KAZN: variants seen among roughly 807,000 people sequenced by gnomAD.
KAZN encodes the protein kazrin, periplakin interacting protein, also known as kazrin.
In KAZN, 40 loss-of-function variants were observed where a neutral mutation model predicts 87.4. The ratio of observed to expected loss-of-function variants is 0.46; its 90% CI spans 0.36 to 0.60. KAZN has a LOEUF of 0.60. KAZN is among the 20% of genes least tolerant of loss of function. The probability of loss-of-function intolerance (pLI) is 0.00; values close to 1 mark genes in which losing one functional copy is unlikely to be tolerated. For synonymous variants in KAZN, 466 were observed against 458.3 expected, an observed-to-expected ratio of 1.02 and a Z score of -0.22; for missense variants, 898 against 1,073.9, an observed-to-expected ratio of 0.84 and a Z score of 2.29.
chr1:13,968,162 C>T (rs974481718), intron 1 of KAZN, among the ~76,000 whole-genome samples: 4 of 152,162 alleles, frequency 2.6e-5, no homozygotes, highest in African/African-American at 9.7e-5. Flanking sequence ...TGCAGGTGTG[C>T]AGCTCAGGCA....
chr1:14,774,181 G>A (rs918532968), intron 1 of KAZN, among the ~76,000 whole-genome samples: 1 of 152,148 alleles, frequency 6.6e-6, no homozygotes, highest in Non-Finnish European at 1.5e-5. Context: ...GCAGTCTGGG[G>A]GTGAAACTGG....
intron 1 of KAZN, among the ~76,000 whole-genome samples, chr1:14,895,559 C>T (rs1655175507): frequency 6.6e-6 from 1 of 152,212 alleles, no homozygotes; most frequent in South Asian, 2.1e-4. Flanking sequence ...AGAGCCAGGC[C>T]ATGACCTTGT....
intron 2 of KAZN, among the ~76,000 whole-genome samples, chr1:14,287,232 C>T (rs1202562283): frequency 6.6e-6 from 1 of 152,096 alleles, no homozygotes; most frequent in African/African-American, 2.4e-5. Context: ...GCTGGTTCAC[C>T]CAACATCCAT....
At chr1:14,182,135 T>A (rs1290085837) in intron 2 of KAZN, among the ~76,000 whole-genome samples, 2 of 152,178 alleles carry the variant, frequency 1.3e-5, no homozygotes, top group Non-Finnish European at 2.9e-5. Context: ...TCCCCTATCG[T>A]GTAGTCATCG....
chr1:13,959,733 C>T (rs886974763), intron 1 of KAZN, among the ~76,000 whole-genome samples: 1 of 152,060 alleles, frequency 6.6e-6, no homozygotes, highest in African/African-American at 2.4e-5. Flanking sequence ...CACATCATAC[C>T]CTCAATTTAT....
chr1:14,134,753 T>C (rs1645067941), intron 1 of KAZN, among the ~76,000 whole-genome samples: 1 of 152,162 alleles, frequency 6.6e-6, no homozygotes, highest in Non-Finnish European at 1.5e-5. Flanking sequence ...CATGGTACTC[T>C]CGGAACACAC....
intron 1 of KAZN, among the ~76,000 whole-genome samples, chr1:14,734,649 G>A (rs985921352): frequency 3.2e-4 from 49 of 152,136 alleles, no homozygotes; most frequent in Admixed American, 2.9e-3. Context: ...CCTGTGATGC[G>A]GATGCTGCTG....
chr1:13,994,926 A>G (rs1170969234), intron 1 of KAZN, among the ~76,000 whole-genome samples: 5 of 152,218 alleles, frequency 3.3e-5, no homozygotes, highest in African/African-American at 4.8e-5. Flanking sequence ...GTTGGAGAGT[A>G]GAAAGCAAGG....
intron 2 of KAZN, among the ~76,000 whole-genome samples, chr1:14,496,096 G>T (rs188644741): frequency 1.3e-5 from 2 of 152,048 alleles, no homozygotes; most frequent in African/African-American, 4.8e-5. Context: ...GCTTTTCACC[G>T]ATTCAAGACA....
chr1:14,434,162 A>G (rs1337354973), intron 2 of KAZN, among the ~76,000 whole-genome samples: 1 of 152,028 alleles, frequency 6.6e-6, no homozygotes, highest in East Asian at 1.9e-4. Context: ...CCCCACTAGG[A>G]TCCATTTATT....
intron 6 of KAZN, chr1:15,060,840 A>C (rs965645871): frequency 1.9e-5 from 3 of 154,724 alleles, no homozygotes; most frequent in African/African-American, 7.2e-5. Flanking sequence ...GCTCTTGATG[A>C]CTAGTGGGGC....
At chr1:14,262,574 A>G (rs1210634238) in intron 2 of KAZN, among the ~76,000 whole-genome samples, 1 of 152,222 alleles carries the variant, frequency 6.6e-6, no homozygotes, top group Non-Finnish European at 1.5e-5. Flanking sequence ...TCAGTAGCTT[A>G]AGATGGGTCA....
At chr1:14,070,556 T>TG (rs1553123734) in intron 1 of KAZN, among the ~76,000 whole-genome samples, 28 of 152,228 alleles carry the variant, frequency 1.8e-4, no homozygotes, top group African/African-American at 6.5e-4. Context: ...CATCCCACTG[T>TG]AAAAAAAGTC....
intron 2 of KAZN, among the ~76,000 whole-genome samples, chr1:15,017,660 C>T (rs1295373142): frequency 1.3e-5 from 2 of 152,080 alleles, no homozygotes; most frequent in Admixed American, 6.5e-5. Context: ...AAAAAGTAGC[C>T]GGGCATGGTG....
intron 2 of KAZN, among the ~76,000 whole-genome samples, chr1:14,201,577 G>A (rs1429364038): frequency 1.3e-5 from 2 of 152,182 alleles, no homozygotes; most frequent in Middle Eastern, 3.2e-3. Flanking sequence ...TGCAGACAAA[G>A]CCCCAGCATC....
intron 1 of KAZN, among the ~76,000 whole-genome samples, chr1:14,932,778 C>A (rs928576662): frequency 1.1e-4 from 15 of 142,848 alleles, no homozygotes; most frequent in Non-Finnish European, 2.2e-4. Context: ...CAGAACCCTG[C>A]ACTTTTTTTT....
intron 2 of KAZN, among the ~76,000 whole-genome samples, chr1:14,372,372 G>A (rs905355165): frequency 6.6e-6 from 1 of 152,156 alleles, no homozygotes; most frequent in Admixed American, 6.5e-5. Flanking sequence ...ATTGAAACAT[G>A]GTAAATATGA....
intron 2 of KAZN, among the ~76,000 whole-genome samples, chr1:14,405,605 A>AGT (rs1553167624): frequency 1.2e-5 from 1 of 86,178 alleles, no homozygotes; most frequent in African/African-American, 4.4e-5. Context: ...GACCCAATAA[A>AGT]ATGTGTGTGT....
At chr1:14,487,504 C>T (rs1669411692) in intron 2 of KAZN, among the ~76,000 whole-genome samples, 1 of 152,174 alleles carries the variant, frequency 6.6e-6, no homozygotes, top group Non-Finnish European at 1.5e-5. Context: ...ATTTCCCCAG[C>T]TTCATATCCA....
Sources: gnomAD v4.1 joint callset for allele counts (sites outside exome capture counted in the v4.1 genomes callset) on GRCh38, gnomAD v4.1.1 for gene constraint, MANE v1.5 for transcripts, NCBI Gene and HGNC (gene_info 2026-07-23, HGNC 2026-07-21) for gene names.